OPRM1: variants seen among roughly 807,000 people sequenced by gnomAD.
The protein encoded by OPRM1 is mu-type opioid receptor.
OPRM1 carries 27 observed loss-of-function variants against 31.8 expected under a neutral mutation model. The observed-to-expected ratio is 0.85, with a 90% CI of 0.63 to 1.17. The LOEUF is 1.17. Among genes scored for constraint, OPRM1 ranks in the 50% most tolerant of loss-of-function variants. The pLI is 0.00. For missense variants in OPRM1, 536 were observed against 511.1 expected (o/e 1.05, Z -0.47); for synonymous variants, 196 against 189.9 (o/e 1.03, Z -0.26).
chr6:154,204,613 C>A (rs763870339), intron 3 of OPRM1, among the ~76,000 whole-genome samples: 3 of 152,016 alleles, frequency 2.0e-5, no homozygotes, highest in Non-Finnish European at 2.9e-5. Context: ...GGGCAATGTG[C>A]TGACCGAAGA....
At chr6:154,096,590 G>T (rs1371221396) in intron 3 of OPRM1, among the ~76,000 whole-genome samples, 1 of 152,004 alleles carries the variant, frequency 6.6e-6, no homozygotes, top group Non-Finnish European at 1.5e-5. Flanking sequence ...ACATTTATAT[G>T]GCAATGTACA....
chr6:154,214,079 T>A, intron 3 of OPRM1: 1 of 663,440 alleles, frequency 1.5e-6, no homozygotes, highest in Admixed American at 2.4e-5. Context: ...TGTCTCCACA[T>A]ATTTTCAGAT....
intron 1 of OPRM1, among the ~76,000 whole-genome samples, chr6:154,021,492 A>T (rs1300923213): frequency 6.6e-6 from 1 of 152,138 alleles, no homozygotes; most frequent in Non-Finnish European, 1.5e-5. Context: ...GATATTCAGG[A>T]AATTATTTCT....
chr6:154,134,416 G>T (rs988680582), downstream of OPRM1, among the ~76,000 whole-genome samples: 1 of 152,148 alleles, frequency 6.6e-6, no homozygotes, highest in African/African-American at 2.4e-5. Context: ...CTCTGAAATG[G>T]TTTATGTCTG....
chr6:154,074,013 T>A (rs1787331699), intron 1 of OPRM1: 2 of 152,128 alleles, frequency 1.3e-5, no homozygotes. Context: ...TGATAATAAG[T>A]CATATTTTAC....
At chr6:154,216,792 C>T in intron 3 of OPRM1, 1 of 152,428 alleles carries the variant, frequency 6.6e-6, no homozygotes, top group Non-Finnish European at 1.5e-5. Flanking sequence ...CGCTTGAACC[C>T]AGGAGGCAGA....
At chr6:154,098,920 T>C (rs679987) in intron 3 of OPRM1, among the ~76,000 whole-genome samples, 11,095 of 152,166 alleles carry the variant, frequency 0.073, 672 homozygotes, top group Admixed American at 0.2. Context: ...CACTCAGAAT[T>C]TGTTTCTTTA....
chr6:154,189,133 A>T (rs1227159532), intron 3 of OPRM1, among the ~76,000 whole-genome samples: 1 of 152,184 alleles, frequency 6.6e-6, no homozygotes, highest in Non-Finnish European at 1.5e-5. Context: ...AAAACAAAAA[A>T]ACACCTATAA....
chr6:154,150,772 A>AT (rs1230641392), intron 3 of OPRM1, among the ~76,000 whole-genome samples: 1 of 152,214 alleles, frequency 6.6e-6, no homozygotes, highest in East Asian at 1.9e-4. Flanking sequence ...CAAGTGTTTA[A>AT]TCTTCTTTGA....
chr6:154,148,287 C>T (rs1158929889), intron 3 of OPRM1, among the ~76,000 whole-genome samples: 1 of 152,212 alleles, frequency 6.6e-6, no homozygotes, highest in East Asian at 1.9e-4. Flanking sequence ...TGAAACATTG[C>T]TTTTTCCCAG....
intron 3 of OPRM1, chr6:154,167,985 G>C: frequency 6.2e-7 from 1 of 1,610,860 alleles, no homozygotes. Flanking sequence ...TTTTTACACC[G>C]CTTAACAAAG....
chr6:154,154,442 A>G (rs1798631287), intron 3 of OPRM1: 1 of 152,238 alleles, frequency 6.6e-6, no homozygotes, highest in Non-Finnish European at 1.5e-5. Context: ...GTATTAATAA[A>G]CCTGTAACTT....
chr6:154,135,186 C>G (rs74681740), downstream of OPRM1, among the ~76,000 whole-genome samples: 1 of 152,254 alleles, frequency 6.6e-6, no homozygotes, highest in East Asian at 1.9e-4. Context: ...TATTGACATT[C>G]GGCCAAGTGC....
chr6:154,140,329 T>G (rs1049871616), intron 3 of OPRM1, among the ~76,000 whole-genome samples: 4 of 119,480 alleles, frequency 3.3e-5, no homozygotes, highest in Admixed American at 8.1e-5. Context: ...TTTATGTTAT[T>G]TTATTTTTTT....
chr6:154,089,850 C>T lies in OPRM1; in HGVS notation c.315C>T (p.Thr105=). 2 of 1,613,278 alleles carry T rather than the reference C, an allele frequency of 1.2e-6. No individual in the cohort carries two copies. Among genetic ancestry groups the T allele is most frequent in the East Asian group, 2.2e-5 (1 of 44,880 alleles). The change falls in exon 2 of 4, where the codon ACC becomes ACT. Residue 105 remains threonine (T), a synonymous_variant. Transcript: ENST00000330432. ...IVRYTKMKTA[T]NIYIFNLALA... ...GATACACCAAGATGAAGACTGCCAC[C>T]AACATCTACATTTTCAACCTTGCTC...
rs762104143 is a variant in OPRM1, at chr6:154,152,335, G to GAAAAGAAAAGA, written c.1164+60866_1164+60867insAGAAAAGAAAA. 1.8e-4 allele frequency among the ~76,000 whole-genome samples: 6 copies of GAAAAGAAAAGA among 34,014 alleles called. No homozygotes were observed. The East Asian group carries it at 2.2e-3, about 12-fold the overall frequency. The allele number at this position is 34,014 out of a possible 152,430, so 22.3% of individuals were successfully genotyped here. On this transcript the variant is annotated intron_variant, in intron 3 of 3. Transcript: ENST00000337049. ...AGAAAGAAAGAAAGAAAGAAAGAAAGAAAGAAAGAAAGGAAAGAAAGAAAG... is the reference window on the plus strand; with the variant it reads ...AGAAAGAAAGAAAGAAAGAAAGAAAGAAAAGAAAAGAAAAGAAAGAAAGGAAAGAAAGAAAG...
chr6:154,011,121 C>A, intron 1 of OPRM1: 1 of 1,042,464 alleles, frequency 9.6e-7, no homozygotes, highest in Non-Finnish European at 1.3e-6. Context: ...AAATGCTATA[C>A]ATTCTACCTT....
downstream of OPRM1, among the ~76,000 whole-genome samples, chr6:154,134,560 A>T (rs485399): frequency 0.17 from 25,502 of 152,096 alleles, 2,688 homozygotes; most frequent in Non-Finnish European, 0.24. Flanking sequence ...CGAGGCAGGG[A>T]ACCCACTTAG....
intron 1 of OPRM1, among the ~76,000 whole-genome samples, chr6:154,072,508 A>G (rs999231528): frequency 8.5e-5 from 13 of 152,334 alleles, no homozygotes; most frequent in African/African-American, 2.4e-4. Context: ...AGTGAATGCA[A>G]TCTTTCATTT....
Sources: allele counts gnomAD v4.1 joint callset (sites outside exome capture counted in the v4.1 genomes callset), GRCh38; gene constraint gnomAD v4.1.1; transcripts MANE v1.5; gene names NCBI Gene and HGNC (gene_info 2026-07-23, HGNC 2026-07-21).